The following DPYD variants were observed in gnomAD, a reference collection of about 807,000 sequenced individuals.
DPYD encodes the protein dihydropyrimidine dehydrogenase, also known as dihydropyrimidine dehydrogenase [NADP(+)].
DPYD carries 109 observed loss-of-function variants against 116.2 expected under a neutral mutation model. The ratio of observed to expected loss-of-function variants is 0.94; its 90% CI spans 0.80 to 1.10. The LOEUF (loss-of-function observed/expected upper bound fraction) is 1.10. Ranked by LOEUF, DPYD falls within the 50% of genes least tolerant of loss-of-function variation. The pLI, the probability that DPYD is intolerant of heterozygous loss-of-function variation, is 0.00. For missense variants in DPYD, 1,302 were observed against 1,254.5 expected (o/e 1.04, Z -0.57); for synonymous variants, 440 against 432.0 (o/e 1.02, Z -0.23).
chr1:97,370,635 G>GT (rs1671269249), intron 16 of DPYD, among the ~76,000 whole-genome samples: 1 of 152,000 alleles, frequency 6.6e-6, no homozygotes, highest in South Asian at 2.1e-4. Context: ...CTTTGTTTTT[G>GT]TTTTAACAAT....
chr1:97,602,978 T>C (rs1363902828), intron 8 of DPYD, among the ~76,000 whole-genome samples: 1 of 152,052 alleles, frequency 6.6e-6, no homozygotes, highest in Admixed American at 6.6e-5. Flanking sequence ...CTCTGCTTTA[T>C]GGTATTATTT....
At chr1:97,881,451 T>C (rs1318184314) in intron 2 of DPYD, among the ~76,000 whole-genome samples, 1 of 151,996 alleles carries the variant, frequency 6.6e-6, no homozygotes, top group Non-Finnish European at 1.5e-5. Context: ...ATAAATAGCA[T>C]CCCTAGGTAT....
At chr1:97,737,863 G>T (rs890544399) in intron 4 of DPYD, among the ~76,000 whole-genome samples, 1 of 151,922 alleles carries the variant, frequency 6.6e-6, no homozygotes, top group African/African-American at 2.4e-5. Context: ...CTGCTGCTTC[G>T]ATTTTGTTGT....
intron 13 of DPYD, among the ~76,000 whole-genome samples, chr1:97,458,859 CCT>C (rs1676853337): frequency 1.3e-5 from 2 of 151,878 alleles, no homozygotes; most frequent in Non-Finnish European, 2.9e-5. Flanking sequence ...AATCTCAGAC[CCT>C]CTCTGAAAGA....
At chr1:97,195,636 A>ATGTG (rs1376269434) in intron 19 of DPYD, among the ~76,000 whole-genome samples, 49 of 1,992 alleles carry the variant, frequency 0.025, no homozygotes, top group African/African-American at 0.074. Flanking sequence ...ATGTATGTGT[A>ATGTG]TATATATATA....
At chr1:97,313,259 T>G (rs1170967734) in intron 16 of DPYD, among the ~76,000 whole-genome samples, 3 of 151,914 alleles carry the variant, frequency 2.0e-5, no homozygotes. Flanking sequence ...CTTATTTCTA[T>G]GTACTTGGAG....
chr1:97,686,645 A>AAAAAAAAAAG (rs1160705317), intron 7 of DPYD, among the ~76,000 whole-genome samples: 2 of 147,470 alleles, frequency 1.4e-5, no homozygotes, highest in African/African-American at 4.9e-5. Context: ...TCAAAAAAAA[A>AAAAAAAAAAG]AAAAAAAAAA....
chr1:97,532,357 CT>C (rs1241125370), intron 12 of DPYD, among the ~76,000 whole-genome samples: 7 of 152,016 alleles, frequency 4.6e-5, no homozygotes, highest in Non-Finnish European at 8.8e-5. Flanking sequence ...TTTGTGGTGT[CT>C]TTGTCTGGAT....
At position 97,695,823 on chromosome 1, in the gene DPYD, T is replaced by C. The variant is rs550888413; in HGVS notation, c.680+3528A>G. ...GCCAAGATAACTGCTTGGAAGCTAC[T>C]GCAGTGGTAAAGAAAGTGAGAGGTG... is the stretch of plus-strand genomic sequence containing the variant. On this transcript the variant is annotated intron_variant, in intron 6 of 22. Transcript: ENST00000370192. Among the ~76,000 whole-genome samples the C allele has an allele frequency of 2.6e-5, 4 of 152,178 alleles. No individual in the cohort carries two copies. The East Asian group carries it at 7.7e-4, about 29-fold the overall frequency.
chr1:97,269,241 T>C lies in DPYD; in HGVS notation c.2300-34247A>G, dbSNP rs72726667. ...TCTGAAATCTTATCAGAATGCCCCT[T>C]ACCATCCACATTTCTACAACATTCT... On this transcript the variant is annotated intron_variant, in intron 18 of 22. Coordinates refer to ENST00000370192, the MANE Select transcript of DPYD (RefSeq NM_000110.4). Among the ~76,000 whole-genome samples the C allele has an allele frequency of 8.0e-3, 1,217 of 152,248 alleles. 16 individuals are homozygous for C. The highest frequency in any genetic ancestry group is 0.034 in the Middle Eastern group (10 of 294).
chr1:97,107,029 CAG>C (rs1651214354), intron 20 of DPYD, among the ~76,000 whole-genome samples: 1 of 152,072 alleles, frequency 6.6e-6, no homozygotes, highest in Admixed American at 6.5e-5. Context: ...ATTCGGGAAA[CAG>C]AGAACCAACA....
intron 15 of DPYD, among the ~76,000 whole-genome samples, chr1:97,379,633 G>A (rs1057332975): frequency 5.3e-5 from 8 of 152,162 alleles, no homozygotes; most frequent in Admixed American, 5.2e-4. Context: ...GCCCCATCAG[G>A]AGGCTCTGGC....
At chr1:97,637,496 T>G (rs563243309) in intron 8 of DPYD, among the ~76,000 whole-genome samples, 1 of 149,894 alleles carries the variant, frequency 6.7e-6, no homozygotes, top group African/African-American at 2.5e-5. Context: ...ACAGGAAAAG[T>G]TTTCCCCCCC....
chr1:97,613,306 C>T (rs568492021), intron 8 of DPYD, among the ~76,000 whole-genome samples: 1 of 152,106 alleles, frequency 6.6e-6, no homozygotes, highest in East Asian at 1.9e-4. Flanking sequence ...ACCCTCTTTC[C>T]TAAGGAAAAT....
intron 14 of DPYD, among the ~76,000 whole-genome samples, chr1:97,448,756 C>T (rs572300313): frequency 8.6e-5 from 13 of 151,748 alleles, no homozygotes; most frequent in Non-Finnish European, 1.6e-4. Context: ...TCACATCAAG[C>T]TCAGGAAGAG....
At chr1:97,720,164 TCA>T (rs537506379) in intron 5 of DPYD, 8,816 of 577,328 alleles carry the variant, frequency 0.015, no homozygotes, top group Middle Eastern at 0.017. Context: ...TCTCTCTCTC[TCA>T]CACACACACA....
At chr1:97,619,210 C>T (rs181519272) in intron 8 of DPYD, among the ~76,000 whole-genome samples, 176 of 152,196 alleles carry the variant, frequency 1.2e-3, no homozygotes, top group Non-Finnish European at 2.0e-3. Context: ...ATTAGGTAAT[C>T]ATAAAATATT....
chr1:97,687,336 A>G (rs574608609), intron 7 of DPYD, among the ~76,000 whole-genome samples: 26 of 152,234 alleles, frequency 1.7e-4, no homozygotes, highest in Non-Finnish European at 3.4e-4. Context: ...ACATTTCTCA[A>G]AATGAGACAT....
chr1:97,531,185 T>C (rs1360401664), intron 12 of DPYD, among the ~76,000 whole-genome samples: 2 of 152,220 alleles, frequency 1.3e-5, no homozygotes, highest in Admixed American at 6.5e-5. Context: ...CATGAAATTA[T>C]TGCCAAAACC....
Sources: allele counts gnomAD v4.1 joint callset (sites outside exome capture counted in the v4.1 genomes callset), GRCh38; gene constraint gnomAD v4.1.1; transcripts MANE v1.5; gene names NCBI Gene and HGNC (gene_info 2026-07-23, HGNC 2026-07-21).